Variants in HOMER3 observed in about 807,000 individuals in gnomAD.
The protein encoded by HOMER3 is homer scaffold protein 3.
In HOMER3, 34 loss-of-function variants were observed where a neutral mutation model predicts 45.5. The observed-to-expected ratio is 0.75, with a 90% CI of 0.57 to 1.00. The LOEUF (loss-of-function observed/expected upper bound fraction) is 1.00. Among genes scored for constraint, HOMER3 ranks in the 50% least tolerant of loss-of-function variants. The pLI is 0.00. For missense variants in HOMER3, 480 were observed against 497.5 expected (o/e 0.96, Z 0.33); for synonymous variants, 223 against 208.8 (o/e 1.07, Z -0.58).
intron 6 of HOMER3, 40 bp from the exon 7 acceptor site, chr19:18,932,172 T>TG (rs1424124901): frequency 2.8e-6 from 2 of 704,246 alleles, no homozygotes; most frequent in Non-Finnish European, 3.5e-6. Flanking sequence ...GACACGGGGC[T>TG]GGGGGGCGGA....
At chr19:18,932,786 G>T in intron 6 of HOMER3, 138 bp downstream of exon 6, 1 of 661,202 alleles carries the variant, frequency 1.5e-6, no homozygotes, top group Non-Finnish European at 2.3e-6. Flanking sequence ...GCAGCATTCA[G>T]ATCCTCATCC....
intron 4 of HOMER3, among the ~76,000 whole-genome samples, chr19:18,937,405 G>C (rs879933896): frequency 6.6e-6 from 1 of 151,240 alleles, no homozygotes; most frequent in Non-Finnish European, 1.5e-5. Flanking sequence ...AGCCTGGTGT[G>C]GTAGCTCATG....
In HOMER3 at chr19:18,932,072, CTTG is replaced by C; in HGVS notation, c.591_593del (p.Asn197del). ...TGGCCTCTCGCAGGGCGCCTGCCAG[CTTG>C]TTGTTGCTGTCCTGCAGTGCGAAAA... On this transcript the variant is annotated inframe_deletion, in exon 7 of 10. Transcript: ENST00000392351. 8 of 1,565,164 alleles carry C rather than the reference CTTG, an allele frequency of 5.1e-6. No individual in the cohort carries two copies. Among genetic ancestry groups the C allele is most frequent in the Middle Eastern group, 2.2e-4 (1 of 4,492 alleles).
chr19:18,939,202 G>T (rs2057128705), intron 1 of HOMER3, 153 bp from the exon 2 acceptor site: 2 of 525,132 alleles, frequency 3.8e-6, no homozygotes, highest in East Asian at 6.0e-5. Context: ...TGCTTTGGGA[G>T]GCTGAGTCAG....
chr19:18,933,439 C>T (rs1438267617), intron 5 of HOMER3, among the ~76,000 whole-genome samples: 1 of 152,192 alleles, frequency 6.6e-6, no homozygotes, highest in Non-Finnish European at 1.5e-5. Context: ...CTGCCCAGGC[C>T]GAATTCGTGT....
chr19:18,931,871 C>T, intron 7 of HOMER3, 105 bp downstream of exon 7: 50 of 1,432,724 alleles, frequency 3.5e-5, no homozygotes, highest in Non-Finnish European at 4.6e-5. Flanking sequence ...CTGCTGAGGT[C>T]ACACAGCTAG....
intron 6 of HOMER3, among the ~76,000 whole-genome samples, chr19:18,932,433 G>T (rs577559620): frequency 6.6e-6 from 1 of 151,712 alleles, no homozygotes; most frequent in African/African-American, 2.4e-5. Context: ...CCAGAGGAGG[G>T]GTGGCTTTGG....
Position 18,932,039 on chromosome 19 carries a change from G to T in HOMER3, c.627C>A (p.Ala209=). ...LAGALREANA[A]AAQWRQQLEA... ...CCAGCTGCTGCCTCCACTGGGCTGC[G>T]GCGGCGTTGGCCTCTCGCAGGGCGC... is the stretch of plus-strand genomic sequence containing the variant. Residue 209 remains alanine (A), a synonymous_variant, in exon 7 of 10, where the codon GCC becomes GCA. Coordinates refer to ENST00000392351, the MANE Select transcript of HOMER3 (RefSeq NM_004838.4). 2 of 1,552,652 alleles carry T rather than the reference G, an allele frequency of 1.3e-6. No individual in the cohort carries two copies. The highest frequency in any genetic ancestry group is 1.7e-6 in the Non-Finnish European group (2 of 1,149,632).
intron 4 of HOMER3, among the ~76,000 whole-genome samples, chr19:18,937,784 G>A (rs563985080): frequency 6.6e-6 from 1 of 152,174 alleles, no homozygotes; most frequent in South Asian, 2.1e-4. Context: ...GCAGGGAGGT[G>A]AGGATGAAGG....
At position 18,932,274 on chromosome 19, in the gene HOMER3, C is replaced by T. The variant is rs1485089282; in HGVS notation, c.534-142G>A. Reference sequence around the variant, plus strand: ...AGGCTGGCGAGGGTGCGGAGTCGTGCGCGAAGTTGGACTAGGGGGCGGGGC... The same window carrying T: ...AGGCTGGCGAGGGTGCGGAGTCGTGTGCGAAGTTGGACTAGGGGGCGGGGC... On this transcript the variant is annotated intron_variant, in intron 6 of 9. Coordinates refer to ENST00000392351, the MANE Select transcript of HOMER3 (RefSeq NM_004838.4). 6.8e-6 allele frequency: 4 copies of T among 587,510 alleles called. No individual in the cohort carries two copies. The Admixed American group carries it at 2.3e-4, about 33-fold the overall frequency. The allele number at this position is 587,510 out of a possible 1,614,324, so 36.4% of individuals were successfully genotyped here. A position where few individuals can be genotyped will look rare whatever the true frequency, so the allele number is the denominator to read the frequency against.
Position 18,934,534 on chromosome 19 carries a change from G to A in HOMER3, c.304-124C>T, listed in dbSNP as rs1231631637. 1.0e-5 allele frequency: 5 copies of A among 498,088 alleles called. No individual in the cohort carries two copies. The East Asian group carries it at 1.7e-4, about 17-fold the overall frequency. The allele number at this position is 498,088 out of a possible 1,614,324, so 30.9% of individuals were successfully genotyped here. ...CATCCCCTTATCACACACCTTGGAA[G>A]AAGGAGAGAAACTTTGAAAAATGAT... is the stretch of plus-strand genomic sequence containing the variant. On this transcript the variant is annotated intron_variant, in intron 4 of 9. Coordinates refer to ENST00000392351, the MANE Select transcript of HOMER3 (RefSeq NM_004838.4).
chr19:18,933,196 C>A, intron 5 of HOMER3, 151 bp from the exon 6 acceptor site: 4 of 1,019,800 alleles, frequency 3.9e-6, no homozygotes, highest in Non-Finnish European at 5.2e-6. Context: ...CTCCCCACCT[C>A]ACCCACCCTC....
rs964601159 is a variant in HOMER3, at chr19:18,931,720, C to T, written c.691-95G>A. 33 of 1,509,652 alleles carry T rather than the reference C, an allele frequency of 2.2e-5. No individual in the cohort carries two copies. In the South Asian group the frequency reaches 4.1e-4, roughly 19 times the overall value. The allele number at this position is 1,509,652 out of a possible 1,614,324, so 93.5% of individuals were successfully genotyped here. A position where few individuals can be genotyped will look rare whatever the true frequency, so the allele number is the denominator to read the frequency against. ...AATCTGCCTCCTGTCTGGCCACGCC[C>T]AGGACCGAGCACCCATCTCCCTTGG... On this transcript the variant is annotated intron_variant, in intron 7 of 9. Coordinates refer to ENST00000392351, the MANE Select transcript of HOMER3 (RefSeq NM_004838.4).
chr19:18,938,326 C>A, intron 4 of HOMER3, 27 bp downstream of exon 4: 1 of 1,592,104 alleles, frequency 6.3e-7, no homozygotes, highest in Non-Finnish European at 8.6e-7. Context: ...CATCGGTTCC[C>A]TCCACTCTCC....
chr19:18,938,870 AAG>A lies in HOMER3; in HGVS notation c.27_28del (p.Phe10GlnfsTer10). 3 of 1,605,038 alleles carry A rather than the reference AAG, an allele frequency of 1.9e-6. No individual in the cohort carries two copies. Among genetic ancestry groups the A allele is most frequent in the Non-Finnish European group, 2.6e-6 (3 of 1,176,038 alleles). ...TTGGAACACGTGCGCCCGTGTGCTGAAGATTGGCTGCTCCCTGCGTGGGGAGA... is the reference window on the plus strand; with the variant it reads ...TTGGAACACGTGCGCCCGTGTGCTGAATTGGCTGCTCCCTGCGTGGGGAGA... On this transcript the variant is annotated frameshift_variant, in exon 3 of 10. Transcript: ENST00000392351. LOFTEE classifies it high-confidence loss of function.
At chr19:18,934,864 G>GTT (rs1021383752) in intron 4 of HOMER3, among the ~76,000 whole-genome samples, 20 of 114,100 alleles carry the variant, frequency 1.8e-4, no homozygotes, top group South Asian at 7.7e-4. Flanking sequence ...CCCTTTTCCT[G>GTT]TTTTTTGTTT....
In HOMER3 at chr19:18,929,275, CCAA is replaced by C. The variant is rs1305861063; in HGVS notation, c.*165_*167del. 4 of 789,626 alleles carry C rather than the reference CCAA, an allele frequency of 5.1e-6. No individual in the cohort carries two copies. Among genetic ancestry groups the C allele is most frequent in the Non-Finnish European group, 9.1e-6 (4 of 441,184 alleles). The allele number at this position is 789,626 out of a possible 1,614,324, so 48.9% of individuals were successfully genotyped here. On this transcript the variant is annotated 3_prime_UTR_variant, in exon 10 of 10. Transcript: ENST00000392351. ...AAGCTCAAAAACAGCCCCAAAGCTG[CCAA>C]CAACCAGAGCCGACTGGGGCCCACC...
intron 3 of HOMER3, 21 bp downstream of exon 3, chr19:18,938,707 C>A: frequency 1.3e-6 from 2 of 1,567,350 alleles, no homozygotes; most frequent in East Asian, 2.3e-5. Flanking sequence ...TGCCTCTGCC[C>A]CACCCAGACC....
chr19:18,929,752 C>T (rs1432815240), intron 9 of HOMER3, 118 bp from the exon 10 acceptor site: 1 of 761,438 alleles, frequency 1.3e-6, no homozygotes, highest in African/African-American at 1.8e-5. Context: ...CTAGGGCGCC[C>T]AACACACCAG....
Sources: allele counts gnomAD v4.1 joint callset (sites outside exome capture counted in the v4.1 genomes callset), GRCh38; gene constraint gnomAD v4.1.1; transcripts MANE v1.5; gene names NCBI Gene and HGNC (gene_info 2026-07-23, HGNC 2026-07-21).